RAB30: variants seen among roughly 807,000 people sequenced by gnomAD.
RAB30 encodes the protein RAB30, member RAS oncogene family.
RAB30 carries 9 observed loss-of-function variants against 25.1 expected under a neutral mutation model. That is an observed-to-expected ratio of 0.36 (90% CI 0.22 to 0.63). RAB30 has a LOEUF of 0.63. Among genes scored for constraint, RAB30 ranks in the 20% least tolerant of loss-of-function variants. The pLI is 0.69. For synonymous variants in RAB30, 77 were observed against 86.4 expected (o/e 0.89, Z 0.60); for missense variants, 140 against 243.5 (o/e 0.58, Z 2.83).
intron 1 of RAB30, among the ~76,000 whole-genome samples, chr11:83,060,516 A>G (rs1214614879): frequency 6.6e-5 from 10 of 152,208 alleles, no homozygotes; most frequent in Admixed American, 6.5e-4. Context: ...CAGTGATGTT[A>G]CAAACTGACA....
intron 3 of RAB30, among the ~76,000 whole-genome samples, chr11:82,991,824 C>T (rs1856857065): frequency 6.6e-6 from 1 of 152,150 alleles, no homozygotes; most frequent in South Asian, 2.1e-4. Flanking sequence ...ACAAACCTTG[C>T]TCTTGGGGAG....
At chr11:83,059,827 GA>G (rs1180062503) in intron 1 of RAB30, among the ~76,000 whole-genome samples, 4 of 151,924 alleles carry the variant, frequency 2.6e-5, no homozygotes, top group Non-Finnish European at 5.9e-5. Context: ...GGTTGAGGGG[GA>G]AAAAAGGCAA....
intron 1 of RAB30, among the ~76,000 whole-genome samples, chr11:83,023,339 T>A (rs183338964): frequency 1.2e-4 from 18 of 152,292 alleles, no homozygotes; most frequent in African/African-American, 4.1e-4. Flanking sequence ...ACATTTCACA[T>A]AGGATTTGCT....
chr11:83,070,195 G>A (rs921484388), intron 1 of RAB30, among the ~76,000 whole-genome samples: 3 of 152,314 alleles, frequency 2.0e-5, no homozygotes, highest in African/African-American at 7.2e-5. Flanking sequence ...GAAGAGCAGA[G>A]CGTCATCAAC....
At chr11:83,043,102 AGAG>A (rs1858163264) in intron 1 of RAB30, among the ~76,000 whole-genome samples, 1 of 152,196 alleles carries the variant, frequency 6.6e-6, no homozygotes, top group African/African-American at 2.4e-5. Context: ...ATTCCCATCA[AGAG>A]GAGCATGTGA....
intron 1 of RAB30, among the ~76,000 whole-genome samples, chr11:83,057,709 A>C (rs1451641726): frequency 1.3e-5 from 2 of 152,208 alleles, no homozygotes; most frequent in Non-Finnish European, 2.9e-5. Context: ...ATTTAACACT[A>C]TACTGAGATG....
intron 1 of RAB30, among the ~76,000 whole-genome samples, chr11:83,067,799 C>T (rs558385207): frequency 4.6e-5 from 7 of 152,146 alleles, no homozygotes; most frequent in African/African-American, 1.7e-4. Context: ...CGAGACCAGC[C>T]TGGCCAACAT....
At chr11:82,992,158 C>A (rs1300061068) in intron 3 of RAB30, among the ~76,000 whole-genome samples, 1 of 152,126 alleles carries the variant, frequency 6.6e-6, no homozygotes, top group Non-Finnish European at 1.5e-5. Context: ...TACCTCCCCT[C>A]CACTAGGACA....
chr11:83,009,757 G>C (rs1303074347), intron 1 of RAB30, among the ~76,000 whole-genome samples: 1 of 152,178 alleles, frequency 6.6e-6, no homozygotes, highest in Non-Finnish European at 1.5e-5. Flanking sequence ...AGGTGAAGTA[G>C]AAAGAGGCAC....
intron 1 of RAB30, chr11:83,038,740 G>C (rs1358149369): frequency 6.6e-6 from 1 of 151,922 alleles, no homozygotes; most frequent in African/African-American, 2.4e-5. Context: ...AGAATCACTT[G>C]AACCTGGGAG....
At chr11:82,998,181 C>CT (rs1856999113) in intron 1 of RAB30, among the ~76,000 whole-genome samples, 1 of 152,152 alleles carries the variant, frequency 6.6e-6, no homozygotes, top group Admixed American at 6.5e-5. Flanking sequence ...CCTGTCAGCT[C>CT]TATTTCCTAG....
Position 82,988,805 on chromosome 11 carries a change from C to T in RAB30, c.178-1035G>A, listed in dbSNP as rs541519002. Among the ~76,000 whole-genome samples, 10 of 152,262 alleles carry T rather than the reference C, an allele frequency of 6.6e-5. 1 individual carries two copies. Among genetic ancestry groups the T allele is most frequent in the African/African-American group, 2.4e-4 (10 of 41,540 alleles). On this transcript the variant is annotated intron_variant, in intron 3 of 4. Transcript: ENST00000527633. ...TTTCCTTCTAATTGCACGAATTTCA[C>T]AGGTCACAGGTGTATTCATGTCCAG...
In RAB30 at chr11:83,009,975, C is replaced by T. The variant is rs189136553; in HGVS notation, c.-8-12651G>A. On this transcript the variant is annotated intron_variant, in intron 1 of 4. Transcript: ENST00000527633. Reference sequence around the variant, plus strand: ...AGAGATGTGGTCTCACTATGTTGTCCAGGCTGGTCTTGAACTCCTGCCCTC... The same window carrying T: ...AGAGATGTGGTCTCACTATGTTGTCTAGGCTGGTCTTGAACTCCTGCCCTC... Among the ~76,000 whole-genome samples the T allele has an allele frequency of 8.5e-5, 13 of 152,240 alleles. No homozygotes were observed. The East Asian group carries it at 2.5e-3, about 29-fold the overall frequency.
At chr11:83,052,562 G>A (rs977830183) in intron 1 of RAB30, among the ~76,000 whole-genome samples, 3 of 152,232 alleles carry the variant, frequency 2.0e-5, no homozygotes, top group Non-Finnish European at 2.9e-5. Flanking sequence ...TGAGAGAGAT[G>A]TCTGGCCTGC....
rs1856576594 is a variant in RAB30, at chr11:82,978,146, T to C, written c.*4019A>G. The C allele has an allele frequency of 6.6e-6, 1 of 152,110 alleles. No individual in the cohort carries two copies. Among genetic ancestry groups the C allele is most frequent in the African/African-American group, 2.4e-5 (1 of 41,428 alleles). The allele number at this position is 152,110 out of a possible 1,614,324, so 9.4% of individuals were successfully genotyped here. A position where few individuals can be genotyped will look rare whatever the true frequency, so the allele number is the denominator to read the frequency against. ...CTTTAGCGAAGTCTCAAAAGTATCA[T>C]AGTATAAACATGTCAGGACCATGGT... On this transcript the variant is annotated 3_prime_UTR_variant, in exon 5 of 5. Transcript: ENST00000527633.
rs1202292783 is a variant in RAB30 at position 82,975,764 on chromosome 11, A to G, written c.*6401T>C. The G allele has an allele frequency of 2.0e-5, 3 of 152,218 alleles. No homozygotes were observed. The highest frequency in any genetic ancestry group is 2.9e-5 in the Non-Finnish European group (2 of 68,024). 9.4% of individuals were successfully genotyped at this position (152,218 alleles called of 1,614,324 possible). On this transcript the variant is annotated 3_prime_UTR_variant, in exon 5 of 5. Transcript: ENST00000527633. Reference sequence around the variant, plus strand: ...TGATCTACATCTGATACCAATAAGAAGCTAAGAGTAATAAATACCTATCCT... The same window carrying G: ...TGATCTACATCTGATACCAATAAGAGGCTAAGAGTAATAAATACCTATCCT...
At chr11:83,001,407 T>C (rs1355173339) in intron 1 of RAB30, among the ~76,000 whole-genome samples, 1 of 152,146 alleles carries the variant, frequency 6.6e-6, no homozygotes, top group Non-Finnish European at 1.5e-5. Context: ...CCTGAACTCC[T>C]GGCCTCAATC....
intron 1 of RAB30, among the ~76,000 whole-genome samples, chr11:83,033,297 C>A (rs1257476490): frequency 1.3e-5 from 2 of 151,988 alleles, no homozygotes; most frequent in Non-Finnish European, 2.9e-5. Context: ...AACTCCTGAC[C>A]TCAGGTGATC....
chr11:82,994,181 T>C (rs1341112705), intron 2 of RAB30, 59 bp from the exon 3 acceptor site: 17 of 1,445,822 alleles, frequency 1.2e-5, no homozygotes, highest in Non-Finnish European at 1.6e-5. Context: ...AATGAAATTT[T>C]CTCCTCTCCC....
Sources: gnomAD v4.1 joint callset for allele counts (sites outside exome capture counted in the v4.1 genomes callset) on GRCh38, gnomAD v4.1.1 for gene constraint, MANE v1.5 for transcripts, NCBI Gene and HGNC (gene_info 2026-07-23, HGNC 2026-07-21) for gene names.